EDAR: variants seen among roughly 807,000 people sequenced by gnomAD.
The protein encoded by EDAR is ectodysplasin A receptor.
EDAR carries 38 observed loss-of-function variants against 51.3 expected under a neutral mutation model. The ratio of observed to expected loss-of-function variants is 0.74; its 90% CI spans 0.57 to 0.97. EDAR has a LOEUF of 0.97. Among genes scored for constraint, EDAR ranks in the 50% least tolerant of loss-of-function variants. The pLI is 0.00. For missense variants in EDAR, 528 were observed against 595.0 expected (o/e 0.89, Z 1.17); for synonymous variants, 227 against 242.1 (o/e 0.94, Z 0.58).
intron 11 of EDAR, among the ~76,000 whole-genome samples, chr2:108,902,376 AAAAACAAAAC>A (rs745358106): frequency 3.9e-5 from 6 of 152,148 alleles, no homozygotes; most frequent in Non-Finnish European, 7.3e-5. Flanking sequence ...ACTCCATCTC[AAAAACAAAAC>A]AAAACAAAAC....
Position 108,908,169 on chromosome 2 carries a change from A to C in EDAR, c.804-150T>G, listed in dbSNP as rs1293040035. On this transcript the variant is annotated intron_variant, in intron 9 of 11. Coordinates refer to ENST00000258443, the MANE Select transcript of EDAR (RefSeq NM_022336.4). ...GGTGTTTACTGGGCACCTTGTGGGC[A>C]CGGGACCAGGGGACATGAGACGAGA... The C allele has an allele frequency of 9.5e-6, 8 of 845,614 alleles. No individual in the cohort carries two copies. In the South Asian group the frequency reaches 1.5e-4, roughly 16 times the overall value. The allele number at this position is 845,614 out of a possible 1,614,324, so 52.4% of individuals were successfully genotyped here. A position where few individuals can be genotyped will look rare whatever the true frequency, so the allele number is the denominator to read the frequency against.
intron 1 of EDAR, among the ~76,000 whole-genome samples, chr2:108,950,168 G>C (rs559091501): frequency 1.3e-5 from 2 of 152,206 alleles, no homozygotes; most frequent in South Asian, 4.2e-4. Context: ...AGCCATCTAA[G>C]ATGTCATGTC....
At chr2:108,964,490 G>C (rs569403878) in intron 1 of EDAR, among the ~76,000 whole-genome samples, 64 of 152,264 alleles carry the variant, frequency 4.2e-4, no homozygotes, top group African/African-American at 1.5e-3. Context: ...CCTACTCTAA[G>C]AGGAAATCAG....
intron 10 of EDAR, 102 bp from the exon 11 acceptor site, chr2:108,906,470 AC>A (rs760398643): frequency 1.6e-4 from 188 of 1,202,906 alleles, no homozygotes; most frequent in Non-Finnish European, 2.3e-4. Context: ...TACGCCCAAC[AC>A]CAGAGACGCT....
chr2:108,917,086 C>A (rs1697041972), intron 5 of EDAR, among the ~76,000 whole-genome samples: 1 of 152,232 alleles, frequency 6.6e-6, no homozygotes, highest in Non-Finnish European at 1.5e-5. Context: ...GACCCTCAAA[C>A]CACAGATAAA....
At chr2:108,988,690 C>G (rs1444441534) in intron 1 of EDAR, among the ~76,000 whole-genome samples, 2 of 152,156 alleles carry the variant, frequency 1.3e-5, no homozygotes, top group African/African-American at 4.8e-5. Flanking sequence ...AATCTTAAAG[C>G]CTGTGAAGCA....
Position 108,896,625 on chromosome 2 carries a change from G to T in EDAR, c.*282C>A. On this transcript the variant is annotated 3_prime_UTR_variant, in exon 12 of 12. Transcript: ENST00000258443. The stretch of plus-strand genomic sequence containing the variant: ...CCTCAACATTGTCTCATTGTTCAGT[G>T]AGTTAATGGTGGGCTGGTGGGCTGG... 2.2e-6 allele frequency: 1 copy of T among 452,250 alleles called. No individual in the cohort carries two copies. Among genetic ancestry groups the T allele is most frequent in the Non-Finnish European group, 4.0e-6 (1 of 249,170 alleles). The allele number at this position is 452,250 out of a possible 1,614,324, so 28.0% of individuals were successfully genotyped here.
intron 1 of EDAR, among the ~76,000 whole-genome samples, chr2:108,955,248 A>G (rs1012067344): frequency 6.6e-6 from 1 of 152,190 alleles, no homozygotes; most frequent in Non-Finnish European, 1.5e-5. Flanking sequence ...GAATGTGAGG[A>G]TTAATGAGAT....
intron 1 of EDAR, among the ~76,000 whole-genome samples, chr2:108,964,854 T>G (rs575387157): frequency 3.3e-4 from 51 of 152,264 alleles, no homozygotes; most frequent in Non-Finnish European, 5.4e-4. Context: ...TGGAAATAAT[T>G]CCACAAACTG....
At chr2:108,906,280 C>T (rs1449616616) in intron 11 of EDAR, 28 bp downstream of exon 11, 1 of 1,605,164 alleles carries the variant, frequency 6.2e-7, no homozygotes, top group East Asian at 2.2e-5. Context: ...GTGGGCACCA[C>T]CTCTCCCAGG....
intron 1 of EDAR, among the ~76,000 whole-genome samples, chr2:108,969,405 C>T (rs746761876): frequency 6.6e-6 from 1 of 152,070 alleles, no homozygotes; most frequent in East Asian, 1.9e-4. Flanking sequence ...GAGAGGAGAA[C>T]GATTAATGAA....
At chr2:108,979,467 TCACA>T (rs5833308) in intron 1 of EDAR, among the ~76,000 whole-genome samples, 24,741 of 146,520 alleles carry the variant, frequency 0.17, 3,536 homozygotes, top group East Asian at 0.82. Flanking sequence ...TCTCTCTCTC[TCACA>T]CACACACACA....
intron 1 of EDAR, among the ~76,000 whole-genome samples, chr2:108,983,499 C>A (rs867840268): frequency 2.0e-5 from 3 of 152,152 alleles, no homozygotes; most frequent in African/African-American, 7.2e-5. Context: ...GAGCATTCCC[C>A]GTGGCCTTCC....
intron 1 of EDAR, among the ~76,000 whole-genome samples, chr2:108,937,558 A>ATG (rs34598565): frequency 6.6e-6 from 1 of 151,492 alleles, no homozygotes; most frequent in East Asian, 1.9e-4. Flanking sequence ...TGTGAATGTT[A>ATG]TGTGTGTGTG....
chr2:108,945,372 C>G (rs1697695653), intron 1 of EDAR, among the ~76,000 whole-genome samples: 3 of 152,274 alleles, frequency 2.0e-5, no homozygotes, highest in Non-Finnish European at 4.4e-5. Flanking sequence ...CAAGAGCCCC[C>G]AAGCAACGCC....
At chr2:108,958,713 C>T (rs1697974589) in intron 1 of EDAR, among the ~76,000 whole-genome samples, 1 of 152,166 alleles carries the variant, frequency 6.6e-6, no homozygotes, top group Non-Finnish European at 1.5e-5. Flanking sequence ...GTTGGAACAC[C>T]CCTAGATATC....
At chr2:108,981,444 C>A (rs547834689) in intron 1 of EDAR, among the ~76,000 whole-genome samples, 1 of 152,324 alleles carries the variant, frequency 6.6e-6, no homozygotes, top group Non-Finnish European at 1.5e-5. Context: ...GAATGGCTGG[C>A]CAGGTCTGCT....
At chr2:108,907,829 C>T (rs1254741533) in intron 10 of EDAR, 31 bp downstream of exon 10, 2 of 1,613,048 alleles carry the variant, frequency 1.2e-6, no homozygotes, top group South Asian at 2.2e-5. Context: ...CCACATCTCA[C>T]AGCTCATCAT....
chr2:108,967,354 T>G (rs1014026511), intron 1 of EDAR, among the ~76,000 whole-genome samples: 5 of 152,164 alleles, frequency 3.3e-5, no homozygotes, highest in African/African-American at 9.7e-5. Flanking sequence ...ACTTCAATAG[T>G]TCATGTTCTC....
Sources: gnomAD v4.1 joint callset for allele counts (sites outside exome capture counted in the v4.1 genomes callset) on GRCh38, gnomAD v4.1.1 for gene constraint, MANE v1.5 for transcripts, NCBI Gene and HGNC (gene_info 2026-07-23, HGNC 2026-07-21) for gene names.